The following DENND1A variants were observed in gnomAD, a reference collection of about 807,000 sequenced individuals.
DENND1A encodes the protein DENN domain-containing protein 1A.
Under a neutral mutation model 113.7 loss-of-function variants are expected in DENND1A, and 51 were observed. That is an observed-to-expected ratio of 0.45 (90% CI 0.36 to 0.57). The LOEUF is 0.57. Ranked by LOEUF, DENND1A falls within the 20% of genes least tolerant of loss-of-function variation. The pLI, the probability that DENND1A is intolerant of heterozygous loss-of-function variation, is 0.00. For missense variants in DENND1A, 1,258 were observed against 1,395.9 expected, an observed-to-expected ratio of 0.90 and a Z score of 1.57; for synonymous variants, 565 against 570.8, an observed-to-expected ratio of 0.99 and a Z score of 0.14.
chr9:123,788,186 G>A (rs912195102), intron 3 of DENND1A, among the ~76,000 whole-genome samples: 1 of 152,088 alleles, frequency 6.6e-6, no homozygotes, highest in Admixed American at 6.6e-5. Flanking sequence ...TTTCGTATAA[G>A]AAGTAATCAT....
intron 21 of DENND1A, among the ~76,000 whole-genome samples, chr9:123,390,584 ATCCATCTG>A (rs974072660): frequency 1.3e-5 from 2 of 152,250 alleles, no homozygotes; most frequent in African/African-American, 4.8e-5. Flanking sequence ...GAGTCCACCC[ATCCATCTG>A]TCCATCTGTG....
chr9:123,388,956 G>A (rs2042704033), intron 21 of DENND1A, among the ~76,000 whole-genome samples: 1 of 152,354 alleles, frequency 6.6e-6, no homozygotes, highest in East Asian at 1.9e-4. Context: ...AGTCTGGGGA[G>A]AATGTGGGGC....
intron 13 of DENND1A, among the ~76,000 whole-genome samples, chr9:123,531,929 G>A (rs1016597605): frequency 6.6e-6 from 1 of 152,224 alleles, no homozygotes; most frequent in African/African-American, 2.4e-5. Flanking sequence ...GAAGAGGACA[G>A]AAAATCATAG....
intron 2 of DENND1A, among the ~76,000 whole-genome samples, chr9:123,811,082 T>C (rs1443004331): frequency 2.6e-5 from 4 of 152,094 alleles, no homozygotes; most frequent in Non-Finnish European, 5.9e-5. Flanking sequence ...TTTTCATCCA[T>C]CTTGCTTGAA....
At chr9:123,484,524 G>A (rs2050623058) in intron 13 of DENND1A, among the ~76,000 whole-genome samples, 1 of 152,116 alleles carries the variant, frequency 6.6e-6, no homozygotes, top group Admixed American at 6.5e-5. Context: ...ACTGGGGAGG[G>A]TGCAGCGGAT....
chr9:123,736,226 G>C lies in DENND1A; in HGVS notation c.302+21477C>G, dbSNP rs1385092564. On this transcript the variant is annotated intron_variant, in intron 5 of 23. Coordinates refer to ENST00000394215, the MANE Select transcript of DENND1A (RefSeq NM_001352964.2). ...AGAACACATGACCTGTAAGAGCTAT[G>C]TTGTAAGCTCAGAAGGGCTAATGTT... Among the ~76,000 whole-genome samples the C allele has an allele frequency of 2.6e-5, 4 of 152,202 alleles. No individual in the cohort carries two copies. In the East Asian group the frequency reaches 7.7e-4, roughly 29 times the overall value.
chr9:123,868,415 G>A (rs1846083024), intron 2 of DENND1A, among the ~76,000 whole-genome samples: 1 of 152,176 alleles, frequency 6.6e-6, no homozygotes, highest in South Asian at 2.1e-4. Flanking sequence ...TTAAACAAAA[G>A]TAAGTTAAAA....
At chr9:123,433,937 C>A (rs777967134) in intron 19 of DENND1A, among the ~76,000 whole-genome samples, 10 of 152,224 alleles carry the variant, frequency 6.6e-5, no homozygotes, top group Admixed American at 2.0e-4. Flanking sequence ...CCGGGGACAC[C>A]TATGACTGAC....
chr9:123,401,824 A>G (rs2043488987), intron 21 of DENND1A: 2 of 1,614,096 alleles, frequency 1.2e-6, no homozygotes, highest in African/African-American at 2.7e-5. Flanking sequence ...TGTGATGAAG[A>G]GGTCCAGCCT....
chr9:123,907,051 A>T (rs1438240532), intron 1 of DENND1A, among the ~76,000 whole-genome samples: 1 of 151,416 alleles, frequency 6.6e-6, no homozygotes, highest in African/African-American at 2.4e-5. Context: ...AGGCTGGTTC[A>T]ATATACGCAA....
chr9:123,928,583 C>T, intron 1 of DENND1A: 1 of 985,390 alleles, frequency 1.0e-6, no homozygotes, highest in Non-Finnish European at 1.2e-6. Context: ...GCGACTCTTC[C>T]ATTTTCATTA....
At chr9:123,609,325 A>C (rs2060308475) in intron 11 of DENND1A, 111 bp downstream of exon 11, 1 of 1,190,026 alleles carries the variant, frequency 8.4e-7, no homozygotes, top group Non-Finnish European at 1.2e-6. Flanking sequence ...GTGCTGCTTC[A>C]GCATGCTCCC....
intron 18 of DENND1A, among the ~76,000 whole-genome samples, chr9:123,444,770 T>C (rs1445359299): frequency 2.6e-5 from 4 of 152,266 alleles, no homozygotes; most frequent in African/African-American, 9.6e-5. Context: ...TCTGATTTGC[T>C]GAGTTTTCCT....
At chr9:123,414,527 C>T in intron 19 of DENND1A, 1 of 1,548,912 alleles carries the variant, frequency 6.5e-7, no homozygotes, top group South Asian at 1.2e-5. Flanking sequence ...AGGAGGTTCC[C>T]CAGCCAGGCA....
intron 13 of DENND1A, among the ~76,000 whole-genome samples, chr9:123,475,239 G>A (rs4240482): frequency 6.6e-6 from 1 of 152,008 alleles, no homozygotes; most frequent in Non-Finnish European, 1.5e-5. Context: ...AGCTGGCCTC[G>A]AACTCCTGGC....
chr9:123,572,610 T>A (rs2058420760), intron 12 of DENND1A, among the ~76,000 whole-genome samples: 1 of 152,212 alleles, frequency 6.6e-6, no homozygotes, highest in African/African-American at 2.4e-5. Context: ...TTGTGATGTG[T>A]TTCTTCAAAT....
chr9:123,659,243 G>A (rs973675664), intron 8 of DENND1A, among the ~76,000 whole-genome samples: 1 of 152,126 alleles, frequency 6.6e-6, no homozygotes, highest in African/African-American at 2.4e-5. Flanking sequence ...TATCCTTTTT[G>A]TTGCTTATGT....
intron 8 of DENND1A, among the ~76,000 whole-genome samples, chr9:123,652,755 T>A (rs2062728234): frequency 6.6e-6 from 1 of 152,178 alleles, no homozygotes; most frequent in Non-Finnish European, 1.5e-5. Context: ...AATTTCCAGG[T>A]ATTTCACTCA....
At chr9:123,513,402 G>T (rs2053616463) in intron 13 of DENND1A, among the ~76,000 whole-genome samples, 1 of 152,200 alleles carries the variant, frequency 6.6e-6, no homozygotes, top group Non-Finnish European at 1.5e-5. Flanking sequence ...TTTTAGGGTG[G>T]GTCCCAGAGG....
Sources: allele counts gnomAD v4.1 joint callset (sites outside exome capture counted in the v4.1 genomes callset), GRCh38; gene constraint gnomAD v4.1.1; transcripts MANE v1.5; gene names NCBI Gene and HGNC (gene_info 2026-07-23, HGNC 2026-07-21).